The following CPNE4 variants were observed in gnomAD, a reference collection of about 807,000 sequenced individuals.
The protein encoded by CPNE4 is copine 4.
In CPNE4, 25 loss-of-function variants were observed where a neutral mutation model predicts 67.9. That is an observed-to-expected ratio of 0.37 (90% confidence interval 0.27 to 0.51). CPNE4 has a LOEUF of 0.51. CPNE4 is among the 20% of genes least tolerant of loss of function. CPNE4 has a pLI of 0.93. For synonymous variants in CPNE4, 242 were observed against 244.9 expected (o/e 0.99, Z 0.11); for missense variants, 464 against 690.8 (o/e 0.67, Z 3.68).
At chr3:132,020,994 G>C (rs141203839) in intron 1 of CPNE4, among the ~76,000 whole-genome samples, 29 of 152,216 alleles carry the variant, frequency 1.9e-4, no homozygotes, top group African/African-American at 6.3e-4. Flanking sequence ...TAAGATTCTT[G>C]ATAGCACTGT....
At chr3:131,638,200 TA>T (rs2107789989) in intron 7 of CPNE4, among the ~76,000 whole-genome samples, 1 of 152,096 alleles carries the variant, frequency 6.6e-6, no homozygotes, top group African/African-American at 2.4e-5. Flanking sequence ...TCAATACTAA[TA>T]TTGAATATAA....
intron 7 of CPNE4, among the ~76,000 whole-genome samples, chr3:131,635,200 G>A (rs2079344760): frequency 6.6e-6 from 1 of 152,100 alleles, no homozygotes; most frequent in South Asian, 2.1e-4. Context: ...AAAAGTCTCG[G>A]AAAACCTGCG....
Position 131,542,566 on chromosome 3 carries a change from G to A in CPNE4, c.1530C>T (p.Asn510=), listed in dbSNP as rs1226459171. Residue 510 remains asparagine, a synonymous_variant, in exon 15 of 16, where the codon AAC becomes AAT. Coordinates refer to ENST00000429747, the MANE Select transcript of CPNE4 (RefSeq NM_130808.3). ...RDIVQFVPFR[N]FKHASPAALA... ...ATGTGTATATGCATACGTGTTTGAA[G>A]TTCCTGAAGGGCACGAACTGGACGA... The A allele has an allele frequency of 2.5e-6, 4 of 1,613,282 alleles. No individual in the cohort carries two copies. The highest frequency in any genetic ancestry group is 2.7e-5 in the African/African-American group (2 of 74,876).
chr3:131,909,892 A>C (rs2088912042), intron 1 of CPNE4, among the ~76,000 whole-genome samples: 1 of 150,952 alleles, frequency 6.6e-6, no homozygotes, highest in Non-Finnish European at 1.5e-5. Context: ...CTGGAGGCAC[A>C]TGTTTAGAGT....
intron 10 of CPNE4, among the ~76,000 whole-genome samples, chr3:131,566,574 A>G (rs1046599447): frequency 6.6e-6 from 1 of 151,982 alleles, no homozygotes; most frequent in African/African-American, 2.4e-5. Flanking sequence ...ATGAGGCCTC[A>G]ACAAGATAGA....
At chr3:131,818,263 G>A (rs1345827553) in intron 2 of CPNE4, among the ~76,000 whole-genome samples, 1 of 152,190 alleles carries the variant, frequency 6.6e-6, no homozygotes, top group Non-Finnish European at 1.5e-5. Context: ...AGGAGCAGCA[G>A]GAGTTGCAAC....
At position 131,835,344 on chromosome 3, in the gene CPNE4, C is replaced by T. The variant is rs551202589; in HGVS notation, c.180+69920G>A. On this transcript the variant is annotated intron_variant, in intron 2 of 15. Coordinates refer to ENST00000429747, the MANE Select transcript of CPNE4 (RefSeq NM_130808.3). ...AGGAGTTTGAGACCATTCTGGCCAA[C>T]GTGGTGAAATACCATCTCTACTAAA... Among the ~76,000 whole-genome samples the T allele has an allele frequency of 1.2e-4, 18 of 152,230 alleles. No individual in the cohort carries two copies. In the South Asian group the frequency reaches 1.5e-3, roughly 12 times the overall value.
At chr3:131,928,591 C>T (rs1381359326) in intron 1 of CPNE4, among the ~76,000 whole-genome samples, 1 of 152,188 alleles carries the variant, frequency 6.6e-6, no homozygotes, top group Non-Finnish European at 1.5e-5. Flanking sequence ...CCCAACTCTA[C>T]CTCCAGACCT....
At chr3:131,820,491 G>T (rs180947443) in intron 2 of CPNE4, among the ~76,000 whole-genome samples, 1 of 152,224 alleles carries the variant, frequency 6.6e-6, no homozygotes, top group Non-Finnish European at 1.5e-5. Flanking sequence ...CCAGTTAACC[G>T]CATTCTCAGC....
intron 1 of CPNE4, 104 bp from the exon 2 acceptor site, chr3:131,905,548 A>T: frequency 3.2e-6 from 3 of 928,458 alleles, no homozygotes; most frequent in Non-Finnish European, 3.2e-6. Flanking sequence ...TTTGACACAC[A>T]GTTTCAAACA....
chr3:131,901,887 A>C (rs1350737096), intron 2 of CPNE4, among the ~76,000 whole-genome samples: 1 of 152,038 alleles, frequency 6.6e-6, no homozygotes, highest in Non-Finnish European at 1.5e-5. Flanking sequence ...ATTCCTGAAT[A>C]TTTAACAGTG....
In CPNE4 at chr3:131,905,324, G is replaced by T; in HGVS notation, c.120C>A (p.Ala40=). ...TGACACAGGGGTCTGGTTTGGAAAG[G>T]GCATCTCTGTCAGAAATGCCTTTGC... The part of the protein sequence containing the change: ...VACKGISDRD[A]LSKPDPCVIL... Residue 40 remains alanine, a synonymous_variant, in exon 2 of 16, where the codon GCC becomes GCA. Coordinates refer to ENST00000429747, the MANE Select transcript of CPNE4 (RefSeq NM_130808.3). 1 of 1,613,518 alleles carries T rather than the reference G, an allele frequency of 6.2e-7. No individual in the cohort carries two copies. The highest frequency in any genetic ancestry group is 8.5e-7 in the Non-Finnish European group (1 of 1,179,684).
At chr3:131,546,853 G>T (rs751965670) in intron 14 of CPNE4, among the ~76,000 whole-genome samples, 2 of 152,156 alleles carry the variant, frequency 1.3e-5, no homozygotes, top group Non-Finnish European at 2.9e-5. Flanking sequence ...GGATAAGGGA[G>T]CTAAAGAGAA....
intron 1 of CPNE4, among the ~76,000 whole-genome samples, chr3:132,005,314 C>CATATATATATATATAT (rs767282824): frequency 3.3e-4 from 27 of 81,674 alleles, no homozygotes; most frequent in South Asian, 5.5e-4. Flanking sequence ...GCCATTTTTA[C>CATATATATATATATAT]ATATATATAT....
At chr3:131,705,106 C>T (rs12634140) in intron 3 of CPNE4, among the ~76,000 whole-genome samples, 18,655 of 147,186 alleles carry the variant, frequency 0.13, 1,246 homozygotes, top group African/African-American at 0.16. Context: ...TCCTCACTTG[C>T]TCTTCTTTCC....
intron 3 of CPNE4, among the ~76,000 whole-genome samples, chr3:131,711,617 G>A (rs970125345): frequency 2.0e-5 from 3 of 152,090 alleles, no homozygotes; most frequent in African/African-American, 7.2e-5. Context: ...GCCCTTGACG[G>A]CTCATGTTCC....
chr3:131,647,408 G>C (rs908661871), intron 7 of CPNE4, among the ~76,000 whole-genome samples: 2 of 152,178 alleles, frequency 1.3e-5, no homozygotes, highest in African/African-American at 4.8e-5. Flanking sequence ...CATTGGCAAA[G>C]GAATGTAGGA....
chr3:131,570,990 GA>G (rs755826773), intron 10 of CPNE4, among the ~76,000 whole-genome samples: 3 of 151,290 alleles, frequency 2.0e-5, no homozygotes, highest in Non-Finnish European at 4.4e-5. Flanking sequence ...TTAACTTCTT[GA>G]ATGAATACTT....
intron 7 of CPNE4, among the ~76,000 whole-genome samples, chr3:131,598,565 G>A (rs752117645): frequency 6.6e-6 from 1 of 152,060 alleles, no homozygotes; most frequent in East Asian, 1.9e-4. Context: ...TGATGATCCC[G>A]AAATACAATA....
Sources: gnomAD v4.1 joint callset for allele counts (sites outside exome capture counted in the v4.1 genomes callset) on GRCh38, gnomAD v4.1.1 for gene constraint, MANE v1.5 for transcripts, NCBI Gene and HGNC (gene_info 2026-07-23, HGNC 2026-07-21) for gene names.